Variants in RBM33 observed in about 807,000 individuals in gnomAD.
RBM33 encodes RNA-binding protein 33.
Under a neutral mutation model 132.6 loss-of-function variants are expected in RBM33, and 28 were observed. The observed-to-expected ratio is 0.21, with a 90% confidence interval of 0.16 to 0.29. RBM33 has a LOEUF of 0.29. Among genes scored for constraint, RBM33 ranks in the 10% least tolerant of loss-of-function variants. The pLI is 1.00. For synonymous variants in RBM33, 634 were observed against 593.0 expected (o/e 1.07, Z -1.01); for missense variants, 1,291 against 1,518.5 (o/e 0.85, Z 2.49).
intron 9 of RBM33, among the ~76,000 whole-genome samples, chr7:155,725,905 C>T (rs2117004573): frequency 6.6e-6 from 1 of 152,124 alleles, no homozygotes; most frequent in East Asian, 1.9e-4. Flanking sequence ...TCAAAGTACC[C>T]TCTAGGAAGG....
chr7:155,730,042 C>T (rs948363652), intron 9 of RBM33, among the ~76,000 whole-genome samples: 5 of 152,160 alleles, frequency 3.3e-5, no homozygotes, highest in South Asian at 2.1e-4. Context: ...ATGTGAGGCT[C>T]GGGGAATACC....
At chr7:155,688,228 CTT>C in intron 5 of RBM33, among the ~76,000 whole-genome samples, 1 of 152,258 alleles carries the variant, frequency 6.6e-6, no homozygotes, top group East Asian at 1.9e-4. Flanking sequence ...ATTTTATTCT[CTT>C]TGAAGCAATT....
chr7:155,758,115 T>C (rs980278024), intron 14 of RBM33, among the ~76,000 whole-genome samples: 5 of 152,204 alleles, frequency 3.3e-5, no homozygotes, highest in Non-Finnish European at 5.9e-5. Context: ...ACAATGTCTG[T>C]ACGGACCCTA....
At chr7:155,650,551 T>A (rs1365986496) in intron 1 of RBM33, among the ~76,000 whole-genome samples, 1 of 152,206 alleles carries the variant, frequency 6.6e-6, no homozygotes, top group Non-Finnish European at 1.5e-5. Context: ...CTTACTGTTT[T>A]CTTCCTTGGT....
At chr7:155,649,798 A>C (rs1798305715) in intron 1 of RBM33, among the ~76,000 whole-genome samples, 1 of 152,210 alleles carries the variant, frequency 6.6e-6, no homozygotes, top group South Asian at 2.1e-4. Flanking sequence ...AAATAAAACA[A>C]AACCAAAACC....
At chr7:155,661,113 TGTG>T (rs1798631882) in intron 1 of RBM33, among the ~76,000 whole-genome samples, 1 of 69,080 alleles carries the variant, frequency 1.4e-5, no homozygotes, top group African/African-American at 4.5e-5. Context: ...TGTGTGTGTG[TGTG>T]TGTGTGTGTG....
At chr7:155,766,784 A>AAAT in intron 16 of RBM33, 129 bp downstream of exon 16, 1 of 893,546 alleles carries the variant, frequency 1.1e-6, no homozygotes, top group South Asian at 1.5e-5. Context: ...GAAGTAAGAC[A>AAAT]AATAACCTGT....
intron 9 of RBM33, among the ~76,000 whole-genome samples, chr7:155,725,075 C>G (rs1290283003): frequency 1.4e-5 from 2 of 145,698 alleles, no homozygotes; most frequent in Non-Finnish European, 3.0e-5. Context: ...TCAGTAAATG[C>G]CTAGGAGTGG....
intron 6 of RBM33, among the ~76,000 whole-genome samples, chr7:155,702,080 C>T (rs1799981992): frequency 1.3e-5 from 2 of 152,122 alleles, no homozygotes; most frequent in South Asian, 4.1e-4. Context: ...AGGAGGAGGG[C>T]AGGCAGGAGG....
At chr7:155,760,040 A>G (rs1027807132) in intron 14 of RBM33, among the ~76,000 whole-genome samples, 1 of 152,228 alleles carries the variant, frequency 6.6e-6, no homozygotes, top group Non-Finnish European at 1.5e-5. Flanking sequence ...GCTGTAACCT[A>G]GTATTCTGAT....
At position 155,779,092 on chromosome 7, in the gene RBM33, T is replaced by G. The variant is rs1381599795; in HGVS notation, c.*4051T>G. Reference sequence around the variant, plus strand: ...TCGTGGTGCTCTTCCTGGGATTCGTTTTTTTATTACCCTCCCTCCCTACTT... The same window carrying G: ...TCGTGGTGCTCTTCCTGGGATTCGTGTTTTTATTACCCTCCCTCCCTACTT... On this transcript the variant is annotated 3_prime_UTR_variant, in exon 18 of 18. Coordinates refer to ENST00000401878, the MANE Select transcript of RBM33 (RefSeq NM_053043.3). The G allele has an allele frequency of 6.7e-6, 1 of 150,068 alleles. No homozygotes were observed. The highest frequency in any genetic ancestry group is 1.5e-5 in the Non-Finnish European group (1 of 68,040). The allele number at this position is 150,068 out of a possible 1,614,324, so 9.3% of individuals were successfully genotyped here. A position where few individuals can be genotyped will look rare whatever the true frequency, so the allele number is the denominator to read the frequency against.
chr7:155,745,164 A>G lies in RBM33; in HGVS notation c.2541A>G (p.Ala847=), dbSNP rs1195547043. The G allele has an allele frequency of 6.2e-7, 1 of 1,609,108 alleles. No individual in the cohort carries two copies. Among genetic ancestry groups the G allele is most frequent in the Non-Finnish European group, 8.5e-7 (1 of 1,177,520 alleles). The change falls in exon 14 of 18, where the codon GCA becomes GCG. Residue 847 remains alanine, a synonymous_variant. Coordinates refer to ENST00000401878, the MANE Select transcript of RBM33 (RefSeq NM_053043.3). The surrounding 1 kb of genome is among the most constrained non-coding windows in gnomAD (Gnocchi z 4.1). ...PPPPAEQEEQ[A]LSPSPTNGNP... Reference sequence around the variant, plus strand: ...CCCCAGCAGAGCAGGAAGAGCAGGCACTGTCACCATCACCCACCAACGGTA... The same window carrying G: ...CCCCAGCAGAGCAGGAAGAGCAGGCGCTGTCACCATCACCCACCAACGGTA...
At chr7:155,740,068 C>A (rs1459533293) in intron 12 of RBM33, 42 bp downstream of exon 12, 3 of 1,472,730 alleles carry the variant, frequency 2.0e-6, no homozygotes, top group Non-Finnish European at 2.7e-6. Context: ...TCCTGGGAGG[C>A]CTTTTAACTT....
chr7:155,748,202 T>C (rs1164881135), intron 14 of RBM33, among the ~76,000 whole-genome samples: 1 of 152,250 alleles, frequency 6.6e-6, no homozygotes, highest in Non-Finnish European at 1.5e-5. Context: ...AAACATTTTA[T>C]TGTTGGTTCG....
Position 155,739,828 on chromosome 7 carries a change from C to T in RBM33, c.1851C>T (p.Pro617=). ...PPHQPPHQPP[P]QHQPPPQHPP... ...ACCAGCCCCCGCACCAGCCCCCGCC[C>T]CAGCACCAGCCCCCACCCCAGCACC... The change falls in exon 12 of 18, where the codon CCC becomes CCT. Residue 617 remains proline (P), a synonymous_variant. Transcript: ENST00000401878. 1 of 1,309,602 alleles carries T rather than the reference C, an allele frequency of 7.6e-7. No individual in the cohort carries two copies. The highest frequency in any genetic ancestry group is 1.1e-6 in the Non-Finnish European group (1 of 943,888). 81.1% of individuals were successfully genotyped at this position (1,309,602 alleles called of 1,614,324 possible). A position where few individuals can be genotyped will look rare whatever the true frequency, so the allele number is the denominator to read the frequency against.
intron 9 of RBM33, among the ~76,000 whole-genome samples, chr7:155,728,720 C>G (rs1009658538): frequency 1.3e-5 from 2 of 152,160 alleles, no homozygotes; most frequent in Non-Finnish European, 2.9e-5. Flanking sequence ...ATTACACTTA[C>G]ATATGTGATG....
chr7:155,683,369 T>C (rs1480573773), intron 5 of RBM33, among the ~76,000 whole-genome samples: 1 of 152,258 alleles, frequency 6.6e-6, no homozygotes, highest in Non-Finnish European at 1.5e-5. Context: ...TGTCTCTGTG[T>C]ACCCCAATGG....
intron 9 of RBM33, among the ~76,000 whole-genome samples, chr7:155,732,426 G>A (rs1800981931): frequency 6.6e-6 from 1 of 152,082 alleles, no homozygotes; most frequent in Admixed American, 6.6e-5. Context: ...CCCAATATCT[G>A]CTTTTTTAAG....
In RBM33 at chr7:155,740,847, TGGTCAGG is replaced by T. The variant is rs1221942670; in HGVS notation, c.2049+823_2049+829del. 2.0e-5 allele frequency among the ~76,000 whole-genome samples: 3 copies of T among 152,296 alleles called. No individual in the cohort carries two copies. The East Asian group carries it at 5.8e-4, about 29-fold the overall frequency. On this transcript the variant is annotated intron_variant, in intron 12 of 17. Coordinates refer to ENST00000401878, the MANE Select transcript of RBM33 (RefSeq NM_053043.3). ...GAGACACAATGTGGCTAGTGGTCAG[TGGTCAGG>T]GCTCTTGCCTCCATTAAATATATAT...
Sources: gnomAD v4.1 joint callset for allele counts (sites outside exome capture counted in the v4.1 genomes callset) on GRCh38, gnomAD v4.1.1 for gene constraint, Gnocchi (gnomAD v3.1) non-coding constraint, MANE v1.5 for transcripts, NCBI Gene and HGNC (gene_info 2026-07-23, HGNC 2026-07-21) for gene names.